The following ARHGAP26 variants were observed in gnomAD, a reference collection of about 807,000 sequenced individuals.
ARHGAP26 encodes rho GTPase-activating protein 26.
ARHGAP26 carries 38 observed loss-of-function variants against 104.8 expected under a neutral mutation model. That is an observed-to-expected ratio of 0.36 (90% confidence interval 0.28 to 0.48). The LOEUF (loss-of-function observed/expected upper bound fraction) is 0.48. ARHGAP26 is among the 20% of genes least tolerant of loss of function. ARHGAP26 has a pLI of 0.99. For synonymous variants in ARHGAP26, 341 were observed against 340.0 expected, an observed-to-expected ratio of 1.00 and a Z score of -0.03; for missense variants, 704 against 947.9, an observed-to-expected ratio of 0.74 and a Z score of 3.38.
chr5:142,964,258 C>T (rs1430190010), intron 11 of ARHGAP26, among the ~76,000 whole-genome samples: 1 of 152,126 alleles, frequency 6.6e-6, no homozygotes, highest in Non-Finnish European at 1.5e-5. Flanking sequence ...AATGCAGTTT[C>T]CCAAACTTTA....
At chr5:142,781,733 A>T (rs879190258) in intron 1 of ARHGAP26, among the ~76,000 whole-genome samples, 2 of 152,064 alleles carry the variant, frequency 1.3e-5, no homozygotes, top group African/African-American at 4.8e-5. Context: ...TTTTTTTGAG[A>T]TGGAGTCTCT....
intron 20 of ARHGAP26, among the ~76,000 whole-genome samples, chr5:143,182,037 C>T (rs1804457979): frequency 6.6e-6 from 1 of 152,210 alleles, no homozygotes; most frequent in African/African-American, 2.4e-5. Flanking sequence ...CGCTGTGAGG[C>T]CTTAGCAGCA....
chr5:142,992,059 T>TC (rs869297703), intron 11 of ARHGAP26, among the ~76,000 whole-genome samples: 3 of 242 alleles, frequency 0.012, no homozygotes, highest in Non-Finnish European at 0.035. Context: ...TAATTAGGAC[T>TC]TTTTTTTGTT....
chr5:143,113,698 G>A (rs373114557), intron 17 of ARHGAP26, among the ~76,000 whole-genome samples: 42 of 152,310 alleles, frequency 2.8e-4, no homozygotes, highest in African/African-American at 1.0e-3. Context: ...ACAGTGTTTA[G>A]TCCAGTATCA....
intron 11 of ARHGAP26, among the ~76,000 whole-genome samples, chr5:142,934,616 C>A (rs914607795): frequency 6.6e-6 from 1 of 152,160 alleles, no homozygotes; most frequent in East Asian, 1.9e-4. Flanking sequence ...AATCTGTCCC[C>A]GTGGGAGCTT....
At chr5:142,828,746 A>G (rs1767804825) in intron 1 of ARHGAP26, among the ~76,000 whole-genome samples, 1 of 152,044 alleles carries the variant, frequency 6.6e-6, no homozygotes, top group African/African-American at 2.4e-5. Flanking sequence ...TTGTCTCTAT[A>G]TTTTGAGGGG....
At chr5:142,973,953 A>T (rs1181817409) in intron 11 of ARHGAP26, among the ~76,000 whole-genome samples, 1 of 152,134 alleles carries the variant, frequency 6.6e-6, no homozygotes, top group Non-Finnish European at 1.5e-5. Context: ...CCCTTTTCCC[A>T]CATACATTTT....
intron 20 of ARHGAP26, among the ~76,000 whole-genome samples, chr5:143,167,125 A>G (rs954796531): frequency 5.9e-5 from 9 of 152,042 alleles, no homozygotes; most frequent in Non-Finnish European, 1.5e-5. Context: ...TGCATTTGAT[A>G]TATTCTGTCT....
chr5:143,219,815 G>C (rs563281951), intron 22 of ARHGAP26, among the ~76,000 whole-genome samples: 1 of 152,332 alleles, frequency 6.6e-6, no homozygotes, highest in African/African-American at 2.4e-5. Flanking sequence ...ATGGGGCCCA[G>C]GAATGTGCAG....
Position 143,014,118 on chromosome 5 carries a change from T to C in ARHGAP26, c.1144+2T>C. 6.2e-7 allele frequency: 1 copy of C among 1,613,996 alleles called. No homozygotes were observed. Among genetic ancestry groups the C allele is most frequent in the Non-Finnish European group, 8.5e-7 (1 of 1,179,960 alleles). On this transcript the variant is annotated splice_donor_variant, in intron 12 of 22. Coordinates refer to ENST00000645722, the MANE Select transcript of ARHGAP26 (RefSeq NM_001135608.3). LOFTEE classifies it high-confidence loss of function. ...ACAAAGACAGCCAGAGTGAAGGGAGTAAGTACGATGCTTGGGTAACCTTCT... is the reference window on the plus strand; with the variant it reads ...ACAAAGACAGCCAGAGTGAAGGGAGCAAGTACGATGCTTGGGTAACCTTCT...
chr5:142,777,467 G>C (rs1247342878), intron 1 of ARHGAP26, among the ~76,000 whole-genome samples: 2 of 152,238 alleles, frequency 1.3e-5, no homozygotes, highest in Non-Finnish European at 2.9e-5. Context: ...TTGTTATCCT[G>C]TCAAGGTCAT....
intron 17 of ARHGAP26, among the ~76,000 whole-genome samples, chr5:143,101,974 T>C (rs1381057927): frequency 2.6e-5 from 4 of 151,924 alleles, no homozygotes; most frequent in African/African-American, 9.7e-5. Flanking sequence ...CTGATAGAAC[T>C]GGAGTCTGGA....
At chr5:143,147,622 C>G in intron 20 of ARHGAP26, 1 of 471,348 alleles carries the variant, frequency 2.1e-6, no homozygotes. Flanking sequence ...TACTGTCCTG[C>G]TGAGATGGCT....
intron 11 of ARHGAP26, among the ~76,000 whole-genome samples, chr5:142,983,951 C>A (rs1377033952): frequency 1.3e-5 from 2 of 152,170 alleles, no homozygotes; most frequent in Non-Finnish European, 2.9e-5. Context: ...GAAAATCCAA[C>A]AAACAATGGC....
intron 20 of ARHGAP26, chr5:143,169,447 A>G (rs1202827228): frequency 6.6e-6 from 1 of 152,208 alleles, no homozygotes; most frequent in African/African-American, 2.4e-5. Flanking sequence ...GACTCTCCTT[A>G]GATAAGCTCT....
In ARHGAP26 at chr5:143,221,005, T is replaced by C. The variant is rs114683575; in HGVS notation, c.2192-1353T>C. On this transcript the variant is annotated intron_variant, in intron 22 of 22. Transcript: ENST00000645722. ...AGGAAGGGAATAGGGGAAAATCTATTCTCTCCAAATAATCTTGGAAAATTG... is the reference window on the plus strand; with the variant it reads ...AGGAAGGGAATAGGGGAAAATCTATCCTCTCCAAATAATCTTGGAAAATTG... Among the ~76,000 whole-genome samples, 1,333 of 152,308 alleles carry C rather than the reference T, an allele frequency of 8.8e-3. 13 individuals carry two copies. Among genetic ancestry groups the C allele is most frequent in the African/African-American group, 0.031 (1,279 of 41,556 alleles).
chr5:142,806,050 AT>A (rs1482977131), intron 1 of ARHGAP26, among the ~76,000 whole-genome samples: 1 of 152,172 alleles, frequency 6.6e-6, no homozygotes, highest in Admixed American at 6.5e-5. Flanking sequence ...TGTGTGTCTT[AT>A]TCTTGGAGTG....
At chr5:143,206,457 A>G (rs1022819921) in intron 20 of ARHGAP26, among the ~76,000 whole-genome samples, 1 of 152,240 alleles carries the variant, frequency 6.6e-6, no homozygotes, top group Non-Finnish European at 1.5e-5. Context: ...CCGTCAAGGA[A>G]CAAAATGAAC....
chr5:142,863,752 A>G (rs1180634221), intron 1 of ARHGAP26, among the ~76,000 whole-genome samples: 1 of 151,848 alleles, frequency 6.6e-6, no homozygotes, highest in African/African-American at 2.4e-5. Context: ...TCGGGCTCCC[A>G]GGCCTGCTGG....
Sources: allele counts gnomAD v4.1 joint callset (sites outside exome capture counted in the v4.1 genomes callset), GRCh38; gene constraint gnomAD v4.1.1; transcripts MANE v1.5; gene names NCBI Gene and HGNC (gene_info 2026-07-23, HGNC 2026-07-21).